ZNF93: variants seen among roughly 807,000 people sequenced by gnomAD.
ZNF93 encodes zinc finger protein 505.
A neutral mutation model predicts 45.0 loss-of-function variants in ZNF93; 29 were observed. The observed-to-expected ratio is 0.64, with a 90% CI of 0.48 to 0.88. ZNF93 has a LOEUF of 0.88. ZNF93 is among the 40% of genes least tolerant of loss of function. ZNF93 has a pLI of 0.00. For missense variants in ZNF93, 578 were observed against 724.0 expected (o/e 0.80, Z 2.31); for synonymous variants, 223 against 244.6 (o/e 0.91, Z 0.82).
At chr19:19,920,120 A>G (rs1324597469) in intron 3 of ZNF93, among the ~76,000 whole-genome samples, 2 of 152,118 alleles carry the variant, frequency 1.3e-5, no homozygotes, top group Non-Finnish European at 2.9e-5. Flanking sequence ...TTTGAGATAC[A>G]TCCCATCAAT....
chr19:19,910,593 T>C (rs1258697404), intron 1 of ZNF93, among the ~76,000 whole-genome samples: 1 of 152,118 alleles, frequency 6.6e-6, no homozygotes, highest in Non-Finnish European at 1.5e-5. Flanking sequence ...TGCTCCCAGG[T>C]TATAATCCTT....
intron 3 of ZNF93, among the ~76,000 whole-genome samples, chr19:19,930,048 T>C (rs1324868146): frequency 7.5e-5 from 11 of 147,190 alleles, no homozygotes; most frequent in Admixed American, 6.1e-4. Flanking sequence ...TGGAGACCGA[T>C]AGTGGCCCCG....
intron 1 of ZNF93, chr19:19,908,220 G>GGTC (rs1467546333): frequency 6.6e-6 from 1 of 152,136 alleles, no homozygotes; most frequent in East Asian, 1.9e-4. Context: ...TATGTTACAA[G>GGTC]GTCTAATATG....
chr19:19,923,963 G>A lies in ZNF93; in HGVS notation c.226+7308G>A, dbSNP rs145379717. Among the ~76,000 whole-genome samples, 653 of 152,256 alleles carry A rather than the reference G, an allele frequency of 4.3e-3. 3 individuals carry two copies. Among genetic ancestry groups the A allele is most frequent in the African/African-American group, 0.014 (575 of 41,544 alleles). On this transcript the variant is annotated intron_variant, in intron 3 of 3. Transcript: ENST00000343769. Reference sequence around the variant, plus strand: ...CGACAATTCCCAGTGAGATGAACCCGGTACCTCAGTTGGAGATGCAGAAAT... The same window carrying A: ...CGACAATTCCCAGTGAGATGAACCCAGTACCTCAGTTGGAGATGCAGAAAT...
At chr19:19,913,305 T>C (rs2063314850) in intron 1 of ZNF93, among the ~76,000 whole-genome samples, 1 of 152,232 alleles carries the variant, frequency 6.6e-6, no homozygotes, top group Non-Finnish European at 1.5e-5. Flanking sequence ...TAGGATCACA[T>C]GACCAATTTG....
chr19:19,919,996 G>T, intron 3 of ZNF93, among the ~76,000 whole-genome samples: 1 of 152,192 alleles, frequency 6.6e-6, no homozygotes, highest in East Asian at 1.9e-4. Flanking sequence ...TGTTGAGTAG[G>T]ATTGGTAAGA....
At chr19:19,923,720 C>G (rs139429304) in intron 3 of ZNF93, among the ~76,000 whole-genome samples, 5 of 152,300 alleles carry the variant, frequency 3.3e-5, no homozygotes, top group African/African-American at 1.2e-4. Flanking sequence ...CTGAGCCAGG[C>G]ATGGGATATA....
intron 1 of ZNF93, chr19:19,907,807 G>C (rs1373687696): frequency 6.6e-6 from 1 of 151,998 alleles, no homozygotes; most frequent in Non-Finnish European, 1.5e-5. Flanking sequence ...CCAAAGTGCT[G>C]GAATTACAGG....
At chr19:19,916,451 G>T in intron 2 of ZNF93, 109 bp from the exon 3 acceptor site, 2 of 836,852 alleles carry the variant, frequency 2.4e-6, no homozygotes, top group Non-Finnish European at 3.8e-6. Context: ...TTTGTATTTT[G>T]GTATTAATTT....
chr19:19,919,338 C>T (rs2063335399), intron 3 of ZNF93, among the ~76,000 whole-genome samples: 1 of 152,156 alleles, frequency 6.6e-6, no homozygotes, highest in Non-Finnish European at 1.5e-5. Context: ...CAGTACCATG[C>T]TGTTTTGGTT....
chr19:19,921,863 A>G (rs1229477304), intron 3 of ZNF93, among the ~76,000 whole-genome samples: 1 of 151,980 alleles, frequency 6.6e-6, no homozygotes, highest in Non-Finnish European at 1.5e-5. Context: ...GGTTTCCTGA[A>G]TATAGCACAC....
intron 1 of ZNF93, among the ~76,000 whole-genome samples, chr19:19,905,716 C>T (rs1031711393): frequency 7.2e-4 from 109 of 152,064 alleles, no homozygotes; most frequent in African/African-American, 2.6e-3. Flanking sequence ...CCTCATCCTC[C>T]CAAGTAGCTG....
At chr19:19,921,089 A>G (rs2063341451) in intron 3 of ZNF93, among the ~76,000 whole-genome samples, 1 of 152,052 alleles carries the variant, frequency 6.6e-6, no homozygotes, top group African/African-American at 2.4e-5. Context: ...AGTGCTATAA[A>G]TTTCCCTCTA....
chr19:19,915,702 C>T (rs895072687), intron 2 of ZNF93, among the ~76,000 whole-genome samples: 2 of 151,938 alleles, frequency 1.3e-5, no homozygotes, highest in South Asian at 2.1e-4. Context: ...ATTAGCCAGG[C>T]GTTGTGGCAT....
At chr19:19,933,090 A>G (rs564118770) in intron 3 of ZNF93, 92 bp from the exon 4 acceptor site, 1 of 980,816 alleles carries the variant, frequency 1.0e-6, no homozygotes, top group African/African-American at 1.7e-5. Flanking sequence ...CATCTTAGTT[A>G]TGTAGTTTGT....
In ZNF93 at chr19:19,929,984, C is replaced by T. The variant is rs185918746; in HGVS notation, c.227-3198C>T. On this transcript the variant is annotated intron_variant, in intron 3 of 3. Coordinates refer to ENST00000343769, the MANE Select transcript of ZNF93 (RefSeq NM_031218.4). Reference sequence around the variant, plus strand: ...AAAAGAGATTGTAGAAATAAAGACACAAGACAAAGAGATAAAAGACAGCTG... The same window carrying T: ...AAAAGAGATTGTAGAAATAAAGACATAAGACAAAGAGATAAAAGACAGCTG... Among the ~76,000 whole-genome samples, 493 of 136,196 alleles carry T rather than the reference C, an allele frequency of 3.6e-3. 3 individuals carry two copies. The highest frequency in any genetic ancestry group is 0.013 in the African/African-American group (472 of 37,010). 89.3% of individuals were successfully genotyped at this position (136,196 alleles called of 152,430 possible). A position where few individuals can be genotyped will look rare whatever the true frequency, so the allele number is the denominator to read the frequency against.
intron 1 of ZNF93, chr19:19,909,536 G>T (rs2063302015): frequency 6.6e-6 from 1 of 152,196 alleles, no homozygotes; most frequent in Non-Finnish European, 1.5e-5. Flanking sequence ...ATATGACATG[G>T]TGCTGAAAAT....
At chr19:19,906,478 G>A (rs1465511455) in intron 1 of ZNF93, among the ~76,000 whole-genome samples, 1 of 151,948 alleles carries the variant, frequency 6.6e-6, no homozygotes, top group Non-Finnish European at 1.5e-5. Context: ...TCCTTTATTT[G>A]GTAGGTTGTC....
chr19:19,928,578 G>A (rs898661089), intron 3 of ZNF93, among the ~76,000 whole-genome samples: 1 of 152,224 alleles, frequency 6.6e-6, no homozygotes, highest in African/African-American at 2.4e-5. Flanking sequence ...AGGCTGCAGT[G>A]CAGTGGCAGA....
Sources: gnomAD v4.1 joint callset for allele counts (sites outside exome capture counted in the v4.1 genomes callset) on GRCh38, gnomAD v4.1.1 for gene constraint, MANE v1.5 for transcripts, NCBI Gene and HGNC (gene_info 2026-07-23, HGNC 2026-07-21) for gene names.